OSBPL8: variants seen among roughly 807,000 people sequenced by gnomAD.
OSBPL8 encodes the protein oxysterol binding protein like 8.
In OSBPL8, 59 loss-of-function variants were observed where a neutral mutation model predicts 125.5. That is an observed-to-expected ratio of 0.47 (90% CI 0.38 to 0.58). The LOEUF is 0.58. Ranked by LOEUF, OSBPL8 falls within the 20% of genes least tolerant of loss-of-function variation. The pLI is 0.00. For missense variants in OSBPL8, 758 were observed against 1,047.8 expected, an observed-to-expected ratio of 0.72 and a Z score of 3.82; for synonymous variants, 330 against 338.9, an observed-to-expected ratio of 0.97 and a Z score of 0.29.
intron 4 of OSBPL8, among the ~76,000 whole-genome samples, chr12:76,419,940 G>A (rs1169219377): frequency 6.6e-6 from 1 of 152,126 alleles, no homozygotes; most frequent in African/African-American, 2.4e-5. Context: ...AATCTCTAGT[G>A]TAAGTACATA....
rs1480547549 is a variant in OSBPL8, at chr12:76,463,794, A to G, written c.43-3899T>C. Among the ~76,000 whole-genome samples, 4 of 152,202 alleles carry G rather than the reference A, an allele frequency of 2.6e-5. No individual in the cohort carries two copies. In the East Asian group the frequency reaches 7.7e-4, roughly 29 times the overall value. ...CCAGAGTTGCTTGTAAGTGATGCCA[A>G]TGGGAAACAGGATATAAGTAATTGA... On this transcript the variant is annotated intron_variant, in intron 2 of 23. Coordinates refer to ENST00000261183, the MANE Select transcript of OSBPL8 (RefSeq NM_020841.5).
At chr12:76,447,629 T>C (rs551556570) in intron 4 of OSBPL8, among the ~76,000 whole-genome samples, 1 of 152,176 alleles carries the variant, frequency 6.6e-6, no homozygotes, top group South Asian at 2.1e-4. Context: ...CTGCAACCTC[T>C]GCCTCCCAGG....
rs1051458711 is a variant in OSBPL8, at chr12:76,354,086, C to T, written c.*1803G>A. On this transcript the variant is annotated 3_prime_UTR_variant, in exon 24 of 24. Transcript: ENST00000261183. ...AAACCATAAAAAAGATCAAATTGTACAATATTTACAGAATATCATATATCA... is the reference window on the plus strand; with the variant it reads ...AAACCATAAAAAAGATCAAATTGTATAATATTTACAGAATATCATATATCA... 8.5e-5 allele frequency: 13 copies of T among 152,112 alleles called. No homozygotes were observed. The highest frequency in any genetic ancestry group is 2.9e-4 in the African/African-American group (12 of 41,322). 9.4% of individuals were successfully genotyped at this position (152,112 alleles called of 1,614,324 possible).
intron 4 of OSBPL8, among the ~76,000 whole-genome samples, chr12:76,436,445 T>C (rs1871453442): frequency 6.6e-6 from 1 of 152,104 alleles, no homozygotes; most frequent in African/African-American, 2.4e-5. Flanking sequence ...ATTTTGAAAT[T>C]TGTGGACCAG....
At chr12:76,542,916 C>G (rs938384052) in intron 1 of OSBPL8, among the ~76,000 whole-genome samples, 5 of 152,164 alleles carry the variant, frequency 3.3e-5, no homozygotes, top group Admixed American at 3.3e-4. Context: ...TAGCAAAGCC[C>G]AAGTTCCTTG....
At chr12:76,516,097 A>C (rs1254341723) in intron 1 of OSBPL8, among the ~76,000 whole-genome samples, 1 of 152,198 alleles carries the variant, frequency 6.6e-6, no homozygotes, top group Non-Finnish European at 1.5e-5. Context: ...CCATTTCAAA[A>C]AATCTGAAAA....
At chr12:76,378,904 G>T (rs955211786) in intron 15 of OSBPL8, among the ~76,000 whole-genome samples, 23 of 152,062 alleles carry the variant, frequency 1.5e-4, no homozygotes, top group African/African-American at 5.5e-4. Flanking sequence ...TGAGTGGCTG[G>T]GATTACAGGC....
intron 1 of OSBPL8, among the ~76,000 whole-genome samples, chr12:76,519,118 GTTAT>G (rs1399536724): frequency 6.6e-6 from 1 of 152,058 alleles, no homozygotes; most frequent in African/African-American, 2.4e-5. Flanking sequence ...CCAACTTTAA[GTTAT>G]TTGTTTGTTC....
chr12:76,550,690 G>A (rs1205346013), intron 1 of OSBPL8, among the ~76,000 whole-genome samples: 1 of 152,162 alleles, frequency 6.6e-6, no homozygotes, highest in Non-Finnish European at 1.5e-5. Context: ...CACCAGCCAG[G>A]GATTGGACAA....
At chr12:76,520,455 A>G (rs77925904) in intron 1 of OSBPL8, among the ~76,000 whole-genome samples, 1 of 152,252 alleles carries the variant, frequency 6.6e-6, no homozygotes, top group Non-Finnish European at 1.5e-5. Flanking sequence ...GCACTACACT[A>G]CTTTCTGGAG....
rs148942154 is a variant in OSBPL8 at position 76,520,397 on chromosome 12, T to G, written c.-67-32779A>C. On this transcript the variant is annotated intron_variant, in intron 1 of 23. Transcript: ENST00000261183. ...TCCCCCCATTAGATCCAAGGCTCCA[T>G]AAGGAAAATCAGTTTACACAAATTA... Among the ~76,000 whole-genome samples, 898 of 152,212 alleles carry G rather than the reference T, an allele frequency of 5.9e-3. 4 individuals carry two copies. Among genetic ancestry groups the G allele is most frequent in the African/African-American group, 0.019 (800 of 41,540 alleles).
chr12:76,507,229 G>C (rs919305642), intron 1 of OSBPL8, among the ~76,000 whole-genome samples: 2 of 151,676 alleles, frequency 1.3e-5, no homozygotes, highest in African/African-American at 4.9e-5. Flanking sequence ...AAAGTTCCTA[G>C]AGAAAGTAAT....
intron 3 of OSBPL8, among the ~76,000 whole-genome samples, chr12:76,451,961 A>G (rs1284775044): frequency 6.6e-6 from 1 of 152,184 alleles, no homozygotes; most frequent in African/African-American, 2.4e-5. Context: ...TCTACTAAAA[A>G]TACAAAAATT....
At chr12:76,541,006 AG>A (rs1267305072) in intron 1 of OSBPL8, among the ~76,000 whole-genome samples, 2 of 152,194 alleles carry the variant, frequency 1.3e-5, no homozygotes, top group Non-Finnish European at 2.9e-5. Flanking sequence ...AAATAATCTC[AG>A]GGTAGACCAA....
chr12:76,435,151 T>C (rs990278385), intron 4 of OSBPL8, among the ~76,000 whole-genome samples: 6 of 130,478 alleles, frequency 4.6e-5, no homozygotes, highest in Non-Finnish European at 9.6e-5. Context: ...TGTGTATATA[T>C]CTACGTGTGT....
intron 2 of OSBPL8, among the ~76,000 whole-genome samples, chr12:76,481,515 A>G (rs1877488744): frequency 1.3e-5 from 2 of 152,136 alleles, no homozygotes; most frequent in Non-Finnish European, 2.9e-5. Context: ...CTGTAGTCCA[A>G]GCTACTCTGG....
chr12:76,447,349 T>G (rs1174706610), intron 4 of OSBPL8, among the ~76,000 whole-genome samples: 1 of 152,220 alleles, frequency 6.6e-6, no homozygotes, highest in Non-Finnish European at 1.5e-5. Flanking sequence ...TCTTATGTGA[T>G]GCAGCATGAA....
At chr12:76,496,169 A>AT (rs58179119) in intron 1 of OSBPL8, among the ~76,000 whole-genome samples, 56,676 of 148,504 alleles carry the variant, frequency 0.38, 11,119 homozygotes, top group Non-Finnish European at 0.46. Flanking sequence ...TGTCTGTAGT[A>AT]TTTTTTTTTT....
chr12:76,480,042 C>T (rs182817351), intron 2 of OSBPL8, among the ~76,000 whole-genome samples: 13 of 151,840 alleles, frequency 8.6e-5, no homozygotes, highest in African/African-American at 2.9e-4. Flanking sequence ...TGGCGCATGC[C>T]TGTAATCCCA....
Sources: gnomAD v4.1 joint callset for allele counts (sites outside exome capture counted in the v4.1 genomes callset) on GRCh38, gnomAD v4.1.1 for gene constraint, MANE v1.5 for transcripts, NCBI Gene and HGNC (gene_info 2026-07-23, HGNC 2026-07-21) for gene names.